ANO2: variants seen among roughly 807,000 people sequenced by gnomAD.
The protein encoded by ANO2 is anoctamin 2.
Under a neutral mutation model 124.2 loss-of-function variants are expected in ANO2, and 101 were observed. The observed-to-expected ratio is 0.81, with a 90% CI of 0.69 to 0.96. ANO2 has a LOEUF of 0.96. Ranked by LOEUF, ANO2 falls within the 40% of genes least tolerant of loss-of-function variation. The pLI, the probability that ANO2 is intolerant of heterozygous loss-of-function variation, is 0.00. For missense variants in ANO2, 1,293 were observed against 1,274.5 expected (o/e 1.01, Z -0.22); for synonymous variants, 486 against 482.5 (o/e 1.01, Z -0.09).
chr12:5,593,713 C>T (rs7486468), intron 20 of ANO2, among the ~76,000 whole-genome samples: 104,272 of 152,122 alleles, frequency 0.69, 35,781 homozygotes, highest in East Asian at 0.81. Context: ...CATCAACTGA[C>T]TCCCAGAATA....
rs1404969824 is a variant in ANO2 at position 5,819,170 on chromosome 12, T to C, written c.892+8599A>G. Among the ~76,000 whole-genome samples the C allele has an allele frequency of 2.0e-5, 3 of 152,064 alleles. No individual in the cohort carries two copies. The South Asian group carries it at 6.2e-4, about 32-fold the overall frequency. On this transcript the variant is annotated intron_variant, in intron 7 of 24. Coordinates refer to ENST00000682330, the MANE Select transcript of ANO2 (RefSeq NM_001364791.2). ...CCCCTGAGGCAGTTGCCAGGCAAAATAATGTTGATTCTCCTCAGGAGCCAC... is the reference window on the plus strand; with the variant it reads ...CCCCTGAGGCAGTTGCCAGGCAAAACAATGTTGATTCTCCTCAGGAGCCAC...
chr12:5,591,507 T>C (rs1305669376), intron 20 of ANO2, among the ~76,000 whole-genome samples: 1 of 152,144 alleles, frequency 6.6e-6, no homozygotes, highest in South Asian at 2.1e-4. Context: ...AGGGAAGGGA[T>C]TGGAAGTAAT....
At chr12:5,794,701 C>G (rs1952795896) in intron 10 of ANO2, among the ~76,000 whole-genome samples, 1 of 152,184 alleles carries the variant, frequency 6.6e-6, no homozygotes, top group African/African-American at 2.4e-5. Context: ...TGTCTCCCTA[C>G]ATAACTCCTA....
chr12:5,602,377 A>G (rs1472326285), intron 19 of ANO2, among the ~76,000 whole-genome samples: 1 of 152,034 alleles, frequency 6.6e-6, no homozygotes, highest in Non-Finnish European at 1.5e-5. Flanking sequence ...CAGCCTCCCA[A>G]GTAGCTAGGA....
chr12:5,935,436 A>G (rs1841779149), intron 1 of ANO2, among the ~76,000 whole-genome samples: 1 of 152,198 alleles, frequency 6.6e-6, no homozygotes, highest in Admixed American at 6.5e-5. Flanking sequence ...ATAGCATAAT[A>G]ACTAGTGGGG....
chr12:5,746,721 G>C (rs1951275680), intron 11 of ANO2, among the ~76,000 whole-genome samples: 1 of 152,184 alleles, frequency 6.6e-6, no homozygotes, highest in Non-Finnish European at 1.5e-5. Flanking sequence ...TCATGGATTA[G>C]GTGATTCAGA....
chr12:5,842,609 G>A (rs758408599), intron 4 of ANO2, among the ~76,000 whole-genome samples: 3 of 152,142 alleles, frequency 2.0e-5, no homozygotes, highest in Admixed American at 6.5e-5. Flanking sequence ...TCTTTCGTTC[G>A]CTACCAGCAT....
intron 10 of ANO2, among the ~76,000 whole-genome samples, chr12:5,762,867 AC>A (rs551437074): frequency 1.3e-5 from 2 of 151,968 alleles, no homozygotes; most frequent in African/African-American, 2.4e-5. Flanking sequence ...TTAAACAAAA[AC>A]TTGTGTCTTA....
intron 1 of ANO2, among the ~76,000 whole-genome samples, chr12:5,939,020 C>A (rs181685416): frequency 6.6e-6 from 1 of 151,528 alleles, no homozygotes; most frequent in East Asian, 1.9e-4. Context: ...AGATCAAGAC[C>A]ATCCTGGCCA....
rs566809657 is a variant in ANO2, at chr12:5,726,367, C to T, written c.1545+6153G>A. On this transcript the variant is annotated intron_variant, in intron 14 of 24. Coordinates refer to ENST00000682330, the MANE Select transcript of ANO2 (RefSeq NM_001364791.2). ...AATGTGGGGTAGCGAATTTGTCTCT[C>T]ACCCATCTTTCCAGTGAATACCACA... 1.1e-4 allele frequency among the ~76,000 whole-genome samples: 16 copies of T among 152,312 alleles called. No homozygotes were observed. The East Asian group carries it at 3.1e-3, about 29-fold the overall frequency.
chr12:5,791,523 C>T (rs1449276411), intron 10 of ANO2, among the ~76,000 whole-genome samples: 3 of 152,154 alleles, frequency 2.0e-5, no homozygotes, highest in African/African-American at 7.2e-5. Flanking sequence ...AAGGGATTAA[C>T]ACTAGAGGGC....
chr12:5,646,995 G>A (rs1050518605), intron 15 of ANO2, among the ~76,000 whole-genome samples: 5 of 152,152 alleles, frequency 3.3e-5, no homozygotes, highest in Non-Finnish European at 7.3e-5. Flanking sequence ...GCCCTACTTA[G>A]AAATGCTCTG....
intron 14 of ANO2, among the ~76,000 whole-genome samples, chr12:5,723,444 C>T (rs1950317415): frequency 1.3e-5 from 2 of 152,192 alleles, no homozygotes; most frequent in South Asian, 4.1e-4. Context: ...AGGAGATCCA[C>T]ATCCTAGACT....
At position 5,625,734 on chromosome 12, in the gene ANO2, C is replaced by T. The variant is rs78449486; in HGVS notation, c.1816+9418G>A. Among the ~76,000 whole-genome samples, 122 of 152,234 alleles carry T rather than the reference C, an allele frequency of 8.0e-4. 1 individual carries two copies. The highest frequency in any genetic ancestry group is 2.5e-3 in the Admixed American group (38 of 15,298). On this transcript the variant is annotated intron_variant, in intron 16 of 24. Coordinates refer to ENST00000682330, the MANE Select transcript of ANO2 (RefSeq NM_001364791.2). ...CACCTCAAGCAAATCCAAGCCTCAA[C>T]GTCAAGGTTGGACTGGGTGATTTCC...
chr12:5,792,866 C>T lies in ANO2; in HGVS notation c.1055+6641G>A, dbSNP rs962937450. Among the ~76,000 whole-genome samples the T allele has an allele frequency of 2.6e-5, 4 of 152,158 alleles. No homozygotes were observed. In the South Asian group the frequency reaches 8.3e-4, roughly 32 times the overall value. On this transcript the variant is annotated intron_variant, in intron 10 of 24. Coordinates refer to ENST00000682330, the MANE Select transcript of ANO2 (RefSeq NM_001364791.2). ...GGTCATGCTTACATCATCTCCGTATCCCCAGGACCAGTGTCTGGATAATGC... is the reference window on the plus strand; with the variant it reads ...GGTCATGCTTACATCATCTCCGTATTCCCAGGACCAGTGTCTGGATAATGC...
At chr12:5,604,148 A>G (rs1210690425) in intron 19 of ANO2, among the ~76,000 whole-genome samples, 3 of 152,054 alleles carry the variant, frequency 2.0e-5, no homozygotes. Flanking sequence ...TAAAAAGTGG[A>G]TGGTGGATCG....
chr12:5,655,263 G>C (rs376818536), intron 14 of ANO2, among the ~76,000 whole-genome samples: 1 of 152,082 alleles, frequency 6.6e-6, no homozygotes, highest in Non-Finnish European at 1.5e-5. Flanking sequence ...CCTCCCTCTT[G>C]TTGACTGCCA....
intron 14 of ANO2, among the ~76,000 whole-genome samples, chr12:5,662,880 G>A (rs1359721828): frequency 1.3e-5 from 2 of 152,212 alleles, no homozygotes; most frequent in South Asian, 2.1e-4. Flanking sequence ...AGGACATGGG[G>A]AAGCACTTCC....
In ANO2 at chr12:5,826,726, T is replaced by C. The variant is rs1396600027; in HGVS notation, c.892+1043A>G. On this transcript the variant is annotated intron_variant, in intron 7 of 24. Coordinates refer to ENST00000682330, the MANE Select transcript of ANO2 (RefSeq NM_001364791.2). ...AAAGACTATCATGGCATAAAACCCATTCTGATTCCTTCTCCAGCACTGTGC... is the reference window on the plus strand; with the variant it reads ...AAAGACTATCATGGCATAAAACCCACTCTGATTCCTTCTCCAGCACTGTGC... Among the ~76,000 whole-genome samples the C allele has an allele frequency of 2.6e-5, 4 of 152,122 alleles. No individual in the cohort carries two copies. In the East Asian group the frequency reaches 7.7e-4, roughly 29 times the overall value.
Sources: gnomAD v4.1 joint callset for allele counts (sites outside exome capture counted in the v4.1 genomes callset) on GRCh38, gnomAD v4.1.1 for gene constraint, MANE v1.5 for transcripts, NCBI Gene and HGNC (gene_info 2026-07-23, HGNC 2026-07-21) for gene names.